Variants in TBC1D4 observed in about 807,000 individuals in gnomAD.
TBC1D4 encodes the protein TBC (Tre-2, BUB2, CDC16) domain-containing protein.
Under a neutral mutation model 142.5 loss-of-function variants are expected in TBC1D4, and 121 were observed. The observed-to-expected ratio is 0.85, with a 90% confidence interval of 0.73 to 0.99. The LOEUF is 0.99. Ranked by LOEUF, TBC1D4 falls within the 50% of genes least tolerant of loss-of-function variation. The pLI is 0.00. For missense variants in TBC1D4, 1,475 were observed against 1,606.6 expected, an observed-to-expected ratio of 0.92 and a Z score of 1.40; for synonymous variants, 630 against 628.2, an observed-to-expected ratio of 1.00 and a Z score of -0.04.
At chr13:75,399,225 T>C (rs6562893) in intron 1 of TBC1D4, among the ~76,000 whole-genome samples, 151,507 of 152,280 alleles carry the variant, frequency 0.99, 75,373 homozygotes, top group Middle Eastern at 1. Context: ...AAAAAAGAGT[T>C]GGCTGCAAAC....
chr13:75,291,379 T>C (rs906225466), intron 19 of TBC1D4, among the ~76,000 whole-genome samples: 5 of 152,208 alleles, frequency 3.3e-5, no homozygotes, highest in African/African-American at 9.6e-5. Context: ...AACACTATTA[T>C]ATCCTCCACT....
intron 19 of TBC1D4, among the ~76,000 whole-genome samples, chr13:75,291,509 G>C (rs1294515896): frequency 6.6e-6 from 1 of 152,130 alleles, no homozygotes; most frequent in Non-Finnish European, 1.5e-5. Flanking sequence ...TCCTTCATTT[G>C]AATCATCGGA....
chr13:75,370,786 A>G (rs1883181516), intron 1 of TBC1D4, among the ~76,000 whole-genome samples: 2 of 152,182 alleles, frequency 1.3e-5, no homozygotes, highest in Admixed American at 6.5e-5. Flanking sequence ...CCAGGGACAG[A>G]TCAGGGCTGA....
intron 1 of TBC1D4, among the ~76,000 whole-genome samples, chr13:75,398,942 A>G (rs538003848): frequency 6.6e-6 from 1 of 152,344 alleles, no homozygotes; most frequent in South Asian, 2.1e-4. Flanking sequence ...AGAAGAACCA[A>G]TCTTATCTTC....
chr13:75,475,055 G>C (rs1156763708), intron 1 of TBC1D4, among the ~76,000 whole-genome samples: 2 of 152,238 alleles, frequency 1.3e-5, no homozygotes, highest in South Asian at 4.1e-4. Flanking sequence ...AGCAGTGAGA[G>C]TAGTGCTATC....
rs1053124113 is a variant in TBC1D4 at position 75,283,521 on chromosome 13, C to T, written c.*3271G>A. ...GATACAGTGTATTTTTATTGGATTA[C>T]AAATATACATGAGAATACTCCAAGA... On this transcript the variant is annotated 3_prime_UTR_variant, in exon 21 of 21. Coordinates refer to ENST00000377636, the MANE Select transcript of TBC1D4 (RefSeq NM_014832.5). 7.2e-5 allele frequency among the ~76,000 whole-genome samples: 11 copies of T among 152,126 alleles called. No homozygotes were observed. The highest frequency in any genetic ancestry group is 2.1e-4 in the South Asian group (1 of 4,824).
intron 1 of TBC1D4, among the ~76,000 whole-genome samples, chr13:75,433,333 T>C (rs1886665013): frequency 6.6e-6 from 1 of 152,214 alleles, no homozygotes. Context: ...ACTAAGTATG[T>C]ATGGAAGTAG....
intron 5 of TBC1D4, among the ~76,000 whole-genome samples, chr13:75,346,750 A>G (rs1881182133): frequency 6.6e-6 from 1 of 152,130 alleles, no homozygotes; most frequent in African/African-American, 2.4e-5. Flanking sequence ...GACGGAGTGT[A>G]GATCAAAGTT....
rs542743015 is a variant in TBC1D4, at chr13:75,458,539, G to A, written c.498+22731C>T. Among the ~76,000 whole-genome samples, 16 of 152,282 alleles carry A rather than the reference G, an allele frequency of 1.1e-4. No homozygotes were observed. In the East Asian group the frequency reaches 1.7e-3, roughly 17 times the overall value. ...CCATGGGTTTCTAGGCTTGAGGATT[G>A]GGCCTTTGATGGGGAACCGCCCTCT... On this transcript the variant is annotated intron_variant, in intron 1 of 20. Coordinates refer to ENST00000377636, the MANE Select transcript of TBC1D4 (RefSeq NM_014832.5).
At chr13:75,460,442 C>T (rs951908198) in intron 1 of TBC1D4, among the ~76,000 whole-genome samples, 1 of 152,098 alleles carries the variant, frequency 6.6e-6, no homozygotes, top group African/African-American at 2.4e-5. Flanking sequence ...AACAAGAGGG[C>T]ATTCCCAACA....
intron 1 of TBC1D4, among the ~76,000 whole-genome samples, chr13:75,433,901 T>C (rs1886688151): frequency 1.3e-5 from 2 of 152,000 alleles, no homozygotes; most frequent in Admixed American, 1.3e-4. Flanking sequence ...CCAACAAGCA[T>C]ATGAAAAAAA....
chr13:75,455,629 AAAAC>A (rs1184537694), intron 1 of TBC1D4, among the ~76,000 whole-genome samples: 5 of 152,220 alleles, frequency 3.3e-5, no homozygotes, highest in Non-Finnish European at 7.3e-5. Flanking sequence ...AAGTGCAGAC[AAAAC>A]AATCATAAAA....
At chr13:75,309,867 G>T in intron 14 of TBC1D4, 75 bp downstream of exon 14, 1 of 1,447,074 alleles carries the variant, frequency 6.9e-7, no homozygotes, top group Non-Finnish European at 9.7e-7. Flanking sequence ...TAGTATGTAT[G>T]GGGAGAGAAA....
At chr13:75,457,262 T>C (rs913939047) in intron 1 of TBC1D4, among the ~76,000 whole-genome samples, 1 of 152,216 alleles carries the variant, frequency 6.6e-6, no homozygotes, top group African/African-American at 2.4e-5. Context: ...ATGGTTTATG[T>C]ATTAATTAAT....
chr13:75,396,430 C>T (rs989502062), intron 1 of TBC1D4, among the ~76,000 whole-genome samples: 2 of 152,162 alleles, frequency 1.3e-5, no homozygotes, highest in Non-Finnish European at 2.9e-5. Context: ...AGTAATCCAA[C>T]TTTATCTCAC....
At chr13:75,379,189 T>A (rs1427472086) in intron 1 of TBC1D4, among the ~76,000 whole-genome samples, 1 of 151,984 alleles carries the variant, frequency 6.6e-6, no homozygotes, top group East Asian at 1.9e-4. Flanking sequence ...AGAAGCGAAA[T>A]GACTAGCTCA....
intron 1 of TBC1D4, among the ~76,000 whole-genome samples, chr13:75,469,827 A>G (rs1888325168): frequency 1.3e-5 from 2 of 152,324 alleles, no homozygotes; most frequent in Admixed American, 6.5e-5. Flanking sequence ...ACTTGCCTCA[A>G]TGATTGAAAT....
chr13:75,321,748 G>A (rs143972169), intron 11 of TBC1D4, among the ~76,000 whole-genome samples: 1 of 152,058 alleles, frequency 6.6e-6, no homozygotes, highest in African/African-American at 2.4e-5. Flanking sequence ...TATAATAATA[G>A]TGAAGACAGG....
chr13:75,348,518 T>C (rs1488971643), intron 5 of TBC1D4, among the ~76,000 whole-genome samples: 1 of 152,194 alleles, frequency 6.6e-6, no homozygotes, highest in African/African-American at 2.4e-5. Context: ...GTTTTTTGTC[T>C]TGTATAGTAG....
Sources: allele counts gnomAD v4.1 joint callset (sites outside exome capture counted in the v4.1 genomes callset), GRCh38; gene constraint gnomAD v4.1.1; transcripts MANE v1.5; gene names NCBI Gene and HGNC (gene_info 2026-07-23, HGNC 2026-07-21).